GRID2: variants seen among roughly 807,000 people sequenced by gnomAD.
GRID2 encodes the protein glutamate ionotropic receptor delta type subunit 2.
A neutral mutation model predicts 114.8 loss-of-function variants in GRID2; 33 were observed. The ratio of observed to expected loss-of-function variants is 0.29; its 90% CI spans 0.22 to 0.38. The LOEUF is 0.38. Among genes scored for constraint, GRID2 ranks in the 10% least tolerant of loss-of-function variants. The pLI, the probability that GRID2 is intolerant of heterozygous loss-of-function variation, is 1.00. For synonymous variants in GRID2, 505 were observed against 449.9 expected (o/e 1.12, Z -1.55); for missense variants, 1,184 against 1,257.7 (o/e 0.94, Z 0.89).
chr4:93,416,068 G>A (rs552543093), intron 9 of GRID2, among the ~76,000 whole-genome samples: 7 of 151,826 alleles, frequency 4.6e-5, no homozygotes, highest in South Asian at 2.1e-4. Context: ...TGCATATCCC[G>A]ATGATCTGCT....
intron 2 of GRID2, among the ~76,000 whole-genome samples, chr4:93,073,131 A>G (rs1728955848): frequency 6.6e-6 from 1 of 152,164 alleles, no homozygotes; most frequent in Non-Finnish European, 1.5e-5. Flanking sequence ...AATACTGCAA[A>G]CCTTGGATAA....
At chr4:92,592,465 T>C (rs943783951) in intron 2 of GRID2, among the ~76,000 whole-genome samples, 2 of 152,166 alleles carry the variant, frequency 1.3e-5, no homozygotes, top group Non-Finnish European at 2.9e-5. Flanking sequence ...GTTTTTTAAA[T>C]ACTACACCTT....
rs1364463557 is a variant in GRID2, at chr4:93,216,781, T to G, written c.833T>G (p.Ile278Ser). The G allele has an allele frequency of 1.9e-6, 3 of 1,612,524 alleles. No homozygotes were observed. In the East Asian group the frequency reaches 6.7e-5, roughly 36 times the overall value. Residue 278 changes from isoleucine to serine, a missense_variant, in exon 6 of 16, where the codon ATT becomes AGT. Around this residue, in one of 3 missense-constraint regions of GRID2, gnomAD observed 455 missense variants for 429.5 expected, o/e 1.06. Coordinates refer to ENST00000282020, the MANE Select transcript of GRID2 (RefSeq NM_001510.4). Reference sequence around the variant, plus strand: ...GTACAGGAACTTGTAAGAAGGTCAATTGGAAGGTTAACGATTATTCGGCAG... The same window carrying G: ...GTACAGGAACTTGTAAGAAGGTCAAGTGGAAGGTTAACGATTATTCGGCAG... ...VDVQELVRRSIGRLTIIRQTF... is the reference protein window; with the variant it reads ...VDVQELVRRSSGRLTIIRQTF...
intron 14 of GRID2, among the ~76,000 whole-genome samples, chr4:93,674,388 G>A (rs570598332): frequency 6.6e-6 from 1 of 152,234 alleles, no homozygotes; most frequent in East Asian, 1.9e-4. Flanking sequence ...GTACAATGCT[G>A]TGCAGTCTCT....
At chr4:92,895,357 G>T (rs1470531271) in intron 2 of GRID2, among the ~76,000 whole-genome samples, 2 of 110,454 alleles carry the variant, frequency 1.8e-5, no homozygotes, top group Non-Finnish European at 3.5e-5. Flanking sequence ...AACCCAAAGA[G>T]CTTGAATTGA....
intron 13 of GRID2, among the ~76,000 whole-genome samples, chr4:93,608,105 TAC>T (rs35809084): frequency 0.25 from 37,600 of 147,916 alleles, 4,961 homozygotes; most frequent in Middle Eastern, 0.33. Context: ...TATGTATATA[TAC>T]ACACACACAT....
chr4:93,603,450 A>G (rs912742248), intron 13 of GRID2, among the ~76,000 whole-genome samples: 1 of 152,238 alleles, frequency 6.6e-6, no homozygotes, highest in Non-Finnish European at 1.5e-5. Flanking sequence ...GTTTAAGGAA[A>G]GAAGCCGTCT....
intron 2 of GRID2, among the ~76,000 whole-genome samples, chr4:92,959,335 A>C (rs1191894282): frequency 6.6e-6 from 1 of 151,954 alleles, no homozygotes; most frequent in African/African-American, 2.4e-5. Context: ...TGTTATAAAT[A>C]TCCCTGTAAG....
At chr4:92,665,647 A>AT (rs987521410) in intron 2 of GRID2, among the ~76,000 whole-genome samples, 1 of 150,604 alleles carries the variant, frequency 6.6e-6, no homozygotes, top group Non-Finnish European at 1.5e-5. Flanking sequence ...TTATTTTAGA[A>AT]TTTTTTTATT....
intron 13 of GRID2, among the ~76,000 whole-genome samples, chr4:93,622,466 G>A (rs572754635): frequency 6.6e-6 from 1 of 152,140 alleles, no homozygotes. Flanking sequence ...TCATCATGCA[G>A]TAACTTTGGG....
At chr4:93,661,613 C>G (rs115811645) in intron 14 of GRID2, among the ~76,000 whole-genome samples, 1 of 152,200 alleles carries the variant, frequency 6.6e-6, no homozygotes, top group Admixed American at 6.5e-5. Context: ...AACAAGTTTA[C>G]GGGTTAATCT....
chr4:92,750,976 ATATT>A (rs1425536083), intron 2 of GRID2, among the ~76,000 whole-genome samples: 5 of 152,194 alleles, frequency 3.3e-5, no homozygotes, highest in African/African-American at 1.2e-4. Context: ...TGTTCACAAA[ATATT>A]AATTATAAGA....
chr4:92,547,956 C>T (rs538381447), intron 1 of GRID2, among the ~76,000 whole-genome samples: 1 of 152,092 alleles, frequency 6.6e-6, no homozygotes, highest in South Asian at 2.1e-4. Context: ...GTAAATAAAA[C>T]AAACAGAAAA....
intron 2 of GRID2, among the ~76,000 whole-genome samples, chr4:93,051,136 T>G (rs766987737): frequency 8.6e-5 from 13 of 152,012 alleles, no homozygotes; most frequent in Non-Finnish European, 1.6e-4. Flanking sequence ...TGACCATTGC[T>G]AGTAATAGTA....
At chr4:92,720,187 A>C (rs1042828591) in intron 2 of GRID2, among the ~76,000 whole-genome samples, 8 of 152,082 alleles carry the variant, frequency 5.3e-5, no homozygotes, top group Non-Finnish European at 1.2e-4. Context: ...TTTTAAGAAC[A>C]AAAGATGTTC....
At chr4:93,458,585 C>A (rs1560640727) in intron 11 of GRID2, among the ~76,000 whole-genome samples, 1 of 152,044 alleles carries the variant, frequency 6.6e-6, no homozygotes, top group Admixed American at 6.5e-5. Flanking sequence ...GGTGTGAATT[C>A]CTCTTGCAGA....
intron 8 of GRID2, among the ~76,000 whole-genome samples, chr4:93,340,128 T>C (rs1418114247): frequency 6.6e-6 from 1 of 152,218 alleles, no homozygotes; most frequent in Admixed American, 6.5e-5. Context: ...TTTTCCTTTT[T>C]GATTTTTTTG....
intron 1 of GRID2, among the ~76,000 whole-genome samples, chr4:92,391,749 T>C (rs983690629): frequency 3.9e-5 from 6 of 152,226 alleles, no homozygotes; most frequent in Non-Finnish European, 7.3e-5. Context: ...TTGATCTTTT[T>C]AGGTCCAACC....
At chr4:92,659,889 A>C (rs374369780) in intron 2 of GRID2, among the ~76,000 whole-genome samples, 6 of 151,588 alleles carry the variant, frequency 4.0e-5, no homozygotes, top group African/African-American at 1.4e-4. Flanking sequence ...TAGTTAGTAC[A>C]TTCTTTCCTC....
Sources: allele counts gnomAD v4.1 joint callset (sites outside exome capture counted in the v4.1 genomes callset), GRCh38; gene constraint gnomAD v4.1.1; regional missense constraint gnomAD v4.1.1; transcripts MANE v1.5; gene names NCBI Gene and HGNC (gene_info 2026-07-23, HGNC 2026-07-21).